FGF12: variants seen among roughly 807,000 people sequenced by gnomAD.
The protein encoded by FGF12 is fibroblast growth factor 12.
In FGF12, 14 loss-of-function variants were observed where a neutral mutation model predicts 23.6. The ratio of observed to expected loss-of-function variants is 0.59; its 90% CI spans 0.39 to 0.93. The LOEUF is 0.93. Among genes scored for constraint, FGF12 ranks in the 40% least tolerant of loss-of-function variants. FGF12 has a pLI of 0.00. For synonymous variants in FGF12, 62 were observed against 77.3 expected (o/e 0.80, Z 1.04); for missense variants, 175 against 217.8 (o/e 0.80, Z 1.24).
chr3:192,344,757 T>C (rs1448573543), intron 3 of FGF12, among the ~76,000 whole-genome samples: 1 of 152,252 alleles, frequency 6.6e-6, no homozygotes, highest in Non-Finnish European at 1.5e-5. Flanking sequence ...CTTTTAATCC[T>C]GATAATATCA....
Position 192,397,358 on chromosome 3 carries a change from T to C in FGF12, c.14-36820A>G, listed in dbSNP as rs1720569832. ...TCCCGAAAAGAAAATAGATCTCCAG[T>C]TTCTCAGAGAAATATCCTATAAGAA... is the stretch of plus-strand genomic sequence containing the variant. On this transcript the variant is annotated intron_variant, in intron 2 of 5. Transcript: ENST00000445105. Among the ~76,000 whole-genome samples, 2 of 152,194 alleles carry C rather than the reference T, an allele frequency of 1.3e-5. 1 individual carries two copies. Among genetic ancestry groups the C allele is most frequent in the South Asian group, 4.1e-4 (2 of 4,830 alleles).
At chr3:192,235,865 A>G (rs778960517) in intron 4 of FGF12, among the ~76,000 whole-genome samples, 5 of 151,910 alleles carry the variant, frequency 3.3e-5, no homozygotes, top group Non-Finnish European at 5.9e-5. Context: ...CATTCAGTTC[A>G]TCTCTGATTT....
chr3:192,431,352 A>C (rs372987679), intron 2 of FGF12, among the ~76,000 whole-genome samples: 2 of 152,190 alleles, frequency 1.3e-5, no homozygotes, highest in East Asian at 1.9e-4. Flanking sequence ...AGCTGATTAG[A>C]TCTTAGCTAA....
intron 2 of FGF12, among the ~76,000 whole-genome samples, chr3:192,634,025 C>A (rs1715491367): frequency 6.6e-6 from 1 of 152,220 alleles, no homozygotes; most frequent in Non-Finnish European, 1.5e-5. Flanking sequence ...CCTAAAGGCC[C>A]AGTGCAGATA....
chr3:192,277,099 T>C (rs976281363), intron 4 of FGF12, among the ~76,000 whole-genome samples: 3 of 152,224 alleles, frequency 2.0e-5, no homozygotes, highest in Non-Finnish European at 4.4e-5. Context: ...TATGCCTTTT[T>C]CCTCTCAATC....
At chr3:192,188,828 A>C (rs1255476641) in intron 4 of FGF12, among the ~76,000 whole-genome samples, 1 of 152,254 alleles carries the variant, frequency 6.6e-6, no homozygotes, top group Non-Finnish European at 1.5e-5. Flanking sequence ...TTTGAAAAGA[A>C]CGTGGGTAAC....
At chr3:192,604,729 A>C (rs1714265377) in intron 2 of FGF12, among the ~76,000 whole-genome samples, 1 of 152,222 alleles carries the variant, frequency 6.6e-6, no homozygotes. Context: ...ATGCAACCAC[A>C]AAAGAGCCTG....
intron 2 of FGF12, among the ~76,000 whole-genome samples, chr3:192,613,044 G>A (rs73056412): frequency 0.012 from 1,766 of 151,806 alleles, 27 homozygotes; most frequent in African/African-American, 0.035. Context: ...ATTTTTCTTG[G>A]TGGGAAGATC....
At chr3:192,256,889 A>C (rs535275546) in intron 4 of FGF12, among the ~76,000 whole-genome samples, 48 of 152,294 alleles carry the variant, frequency 3.2e-4, no homozygotes, top group Non-Finnish European at 5.6e-4. Context: ...GGATCTGGTT[A>C]GTGACTATAT....
chr3:192,348,882 A>C (rs1172820266), intron 3 of FGF12, among the ~76,000 whole-genome samples: 1 of 152,174 alleles, frequency 6.6e-6, no homozygotes, highest in African/African-American at 2.4e-5. Flanking sequence ...GACTTAACTG[A>C]GTACAATTTT....
Position 192,345,548 on chromosome 3 carries a change from G to A in FGF12, c.125-10084C>T, listed in dbSNP as rs1468658085. 3.2e-5 allele frequency among the ~76,000 whole-genome samples: 3 copies of A among 94,584 alleles called. 1 individual carries two copies. The highest frequency in any genetic ancestry group is 7.0e-4 in the South Asian group (2 of 2,850). The allele number at this position is 94,584 out of a possible 152,430, so 62.1% of individuals were successfully genotyped here. On this transcript the variant is annotated intron_variant, in intron 3 of 5. Coordinates refer to ENST00000445105, the MANE Select transcript of FGF12 (RefSeq NM_004113.6). Reference sequence around the variant, plus strand: ...TAAAAATACAAAAAATTAGCCGGGCGTGGTAGCGGGCGCCTGTAGTCCCAG... The same window carrying A: ...TAAAAATACAAAAAATTAGCCGGGCATGGTAGCGGGCGCCTGTAGTCCCAG...
intron 2 of FGF12, among the ~76,000 whole-genome samples, chr3:192,439,027 G>A (rs2366675): frequency 2.0e-5 from 3 of 152,122 alleles, no homozygotes; most frequent in East Asian, 1.9e-4. Context: ...AGTTTGCAGC[G>A]GGTCTCTGAA....
At chr3:192,667,687 G>A (rs1483158901) in intron 2 of FGF12, among the ~76,000 whole-genome samples, 1 of 151,774 alleles carries the variant, frequency 6.6e-6, no homozygotes, top group Non-Finnish European at 1.5e-5. Context: ...CCTGATAGAG[G>A]GGCAGGCACA....
chr3:192,453,669 C>A (rs1237871888), intron 2 of FGF12, among the ~76,000 whole-genome samples: 2 of 152,060 alleles, frequency 1.3e-5, no homozygotes, highest in African/African-American at 4.8e-5. Flanking sequence ...GGATTTAGTA[C>A]TGATCTGTGA....
chr3:192,306,078 C>T (rs7642402), intron 4 of FGF12, among the ~76,000 whole-genome samples: 46,041 of 151,478 alleles, frequency 0.3, 9,678 homozygotes, highest in African/African-American at 0.59. Flanking sequence ...GCCAGGATGG[C>T]CTCGATCTCC....
intron 2 of FGF12, among the ~76,000 whole-genome samples, chr3:192,494,773 A>C (rs1723897644): frequency 6.6e-6 from 1 of 152,172 alleles, no homozygotes. Context: ...GTACAGAGAA[A>C]CACTAGTAAA....
intron 2 of FGF12, among the ~76,000 whole-genome samples, chr3:192,375,287 A>G (rs1719434919): frequency 6.6e-6 from 1 of 152,084 alleles, no homozygotes; most frequent in Non-Finnish European, 1.5e-5. Context: ...TTTATTTATT[A>G]TGCATTTCTT....
chr3:192,706,777 G>A (rs1251804920), intron 2 of FGF12, among the ~76,000 whole-genome samples: 1 of 152,088 alleles, frequency 6.6e-6, no homozygotes, highest in South Asian at 2.1e-4. Flanking sequence ...AACATATCTA[G>A]TTTTCTATAC....
At chr3:192,724,636 T>C (rs1719150960) in intron 2 of FGF12, among the ~76,000 whole-genome samples, 2 of 152,232 alleles carry the variant, frequency 1.3e-5, no homozygotes. Flanking sequence ...TCGCTGAAAT[T>C]AGATCATGAA....
Sources: allele counts gnomAD v4.1 joint callset (sites outside exome capture counted in the v4.1 genomes callset), GRCh38; gene constraint gnomAD v4.1.1; transcripts MANE v1.5; gene names NCBI Gene and HGNC (gene_info 2026-07-23, HGNC 2026-07-21).